ADGRG2: variants seen among roughly 807,000 people sequenced by gnomAD.
The protein encoded by ADGRG2 is adhesion G protein-coupled receptor G2.
In ADGRG2, 26 loss-of-function variants were observed where a neutral mutation model predicts 74.1. That is an observed-to-expected ratio of 0.35 (90% CI 0.26 to 0.49). ADGRG2 has a LOEUF of 0.49. Among genes scored for constraint, ADGRG2 ranks in the 20% least tolerant of loss-of-function variants. The pLI is 0.99. For synonymous variants in ADGRG2, 296 were observed against 295.2 expected (o/e 1.00, Z -0.03); for missense variants, 619 against 763.1 (o/e 0.81, Z 2.22).
At chrX:19,047,698 A>C (rs1265449982) in intron 3 of ADGRG2, among the ~76,000 whole-genome samples, 2 of 111,349 alleles carry the variant, frequency 1.8e-5, no homozygotes, top group African/African-American at 6.5e-5. Flanking sequence ...AATTAAAAAC[A>C]AGCCACCACG....
At chrX:19,024,820 ACTC>A (rs2060665490) in intron 11 of ADGRG2, among the ~76,000 whole-genome samples, 1 of 112,072 alleles carries the variant, frequency 8.9e-6, no homozygotes, top group Non-Finnish European at 1.9e-5. Context: ...ATAGCTGCTA[ACTC>A]CTCAAGCTGG....
chrX:19,002,544 G>A (rs2060151878), intron 24 of ADGRG2, among the ~76,000 whole-genome samples: 1 of 111,941 alleles, frequency 8.9e-6, no homozygotes, highest in Non-Finnish European at 1.9e-5. Flanking sequence ...CCAAGCTAAT[G>A]TTTTCAATAT....
intron 13 of ADGRG2, among the ~76,000 whole-genome samples, chrX:19,023,032 C>T (rs1448268392): frequency 1.8e-5 from 2 of 111,691 alleles, no homozygotes; most frequent in Non-Finnish European, 3.8e-5. Context: ...CTTTTCCTTC[C>T]CCCTCTTTCC....
At chrX:19,099,565 A>G (rs1171730486) in intron 1 of ADGRG2, among the ~76,000 whole-genome samples, 1 of 112,194 alleles carries the variant, frequency 8.9e-6, no homozygotes, top group Non-Finnish European at 1.9e-5. Context: ...TGATGTCACA[A>G]AGGTAAGTGG....
chrX:19,120,562 T>C (rs887572748), intron 1 of ADGRG2, among the ~76,000 whole-genome samples: 1 of 111,850 alleles, frequency 8.9e-6, no homozygotes, highest in Non-Finnish European at 1.9e-5. Context: ...ATCTAGCTAG[T>C]CTTCCCTTAA....
intron 2 of ADGRG2, among the ~76,000 whole-genome samples, chrX:19,073,889 C>A (rs1043589483): frequency 2.7e-5 from 3 of 111,522 alleles, no homozygotes; most frequent in Non-Finnish European, 5.6e-5. Flanking sequence ...GACATTTATA[C>A]GGAGTCATAT....
At chrX:19,037,815 T>C (rs1488703876) in intron 4 of ADGRG2, among the ~76,000 whole-genome samples, 179 bp from the exon 5 acceptor site, 1 of 111,585 alleles carries the variant, frequency 9.0e-6, no homozygotes, top group African/African-American at 3.3e-5. Flanking sequence ...AATCAGAGAA[T>C]TGTAGGAAAA....
intron 1 of ADGRG2, among the ~76,000 whole-genome samples, chrX:19,112,164 T>C (rs1055784857): frequency 9.1e-6 from 1 of 110,386 alleles, no homozygotes; most frequent in African/African-American, 3.3e-5. Context: ...CTCGATCTCC[T>C]GGGTTCAAGT....
chrX:19,055,566 C>T (rs1056443061), intron 3 of ADGRG2, among the ~76,000 whole-genome samples: 3 of 110,947 alleles, frequency 2.7e-5, no homozygotes, highest in African/African-American at 3.3e-5. Flanking sequence ...AGAGCACTTC[C>T]GTTATTGCAA....
chrX:19,007,193 G>A lies in ADGRG2; in HGVS notation c.1689+42C>T, dbSNP rs1203680424. The stretch of plus-strand genomic sequence containing the variant: ...GCCTTACAAGCATAGTTTGTACAAG[G>A]TGTTCCTGGTCAATGAACAGACGGC... On this transcript the variant is annotated intron_variant, in intron 20 of 28. Coordinates refer to ENST00000379869, the MANE Select transcript of ADGRG2 (RefSeq NM_001079858.3). 3.4e-6 allele frequency: 4 copies of A among 1,192,109 alleles called. No individual in the cohort carries two copies. In the African/African-American group the frequency reaches 7.0e-5, roughly 21 times the overall value.
At chrX:19,029,034 C>T (rs2060768717) in intron 9 of ADGRG2, among the ~76,000 whole-genome samples, 1 of 111,735 alleles carries the variant, frequency 8.9e-6, no homozygotes, top group Non-Finnish European at 1.9e-5. Context: ...TGGACTATGG[C>T]TGGTAGTTTG....
intron 4 of ADGRG2, among the ~76,000 whole-genome samples, chrX:19,038,879 T>C (rs1159008638): frequency 1.8e-5 from 2 of 111,913 alleles, no homozygotes; most frequent in Admixed American, 9.5e-5. Flanking sequence ...AAGAAAAATA[T>C]AGTGGTTCAT....
At chrX:19,120,623 G>T (rs1437946588) in intron 1 of ADGRG2, among the ~76,000 whole-genome samples, 2 of 111,199 alleles carry the variant, frequency 1.8e-5, no homozygotes, top group African/African-American at 6.5e-5. Flanking sequence ...TCAAAAAATG[G>T]GTTCTCTTTC....
chrX:19,055,485 A>T (rs1472835603), intron 3 of ADGRG2, among the ~76,000 whole-genome samples: 8 of 111,969 alleles, frequency 7.1e-5, no homozygotes, highest in Non-Finnish European at 1.5e-4. Flanking sequence ...TTAGTACCCC[A>T]GTCAAGTTTC....
chrX:19,045,294 G>GTTATTATTATTATTATTATTATTA lies in ADGRG2; in HGVS notation c.119-5094_119-5071dup, dbSNP rs3056193. Among the ~76,000 whole-genome samples, 160 of 95,377 alleles carry GTTATTATTATTATTATTATTATTA rather than the reference G, an allele frequency of 1.7e-3. 1 individual carries two copies. The highest frequency in any genetic ancestry group is 5.3e-3 in the African/African-American group (138 of 25,866). The allele number at this position is 95,377 out of a possible 115,157, so 82.8% of individuals were successfully genotyped here. A position where few individuals can be genotyped will look rare whatever the true frequency, so the allele number is the denominator to read the frequency against. ...ATCGAATACAGAAATGGGGGGTGTT[G>GTTATTATTATTATTATTATTATTA]TTATTATTATTATTATTATTATTAT... On this transcript the variant is annotated intron_variant, in intron 3 of 28. Transcript: ENST00000379869.
intron 7 of ADGRG2, 81 bp from the exon 8 acceptor site, chrX:19,033,735 G>A: frequency 2.1e-6 from 1 of 473,889 alleles, no homozygotes; most frequent in Middle Eastern, 3.7e-4. Context: ...TCATTTTAGT[G>A]AAGTGCTAAA....
intron 2 of ADGRG2, among the ~76,000 whole-genome samples, chrX:19,080,458 C>T (rs1343283852): frequency 9.0e-6 from 1 of 111,065 alleles, no homozygotes; most frequent in African/African-American, 3.3e-5. Context: ...TCTGCCTTCA[C>T]ATCTAAGCTC....
At chrX:19,092,963 G>A (rs1359625958) in intron 1 of ADGRG2, among the ~76,000 whole-genome samples, 1 of 112,202 alleles carries the variant, frequency 8.9e-6, no homozygotes, top group Non-Finnish European at 1.9e-5. Context: ...GGGAAACTGG[G>A]AAGTTAGGAA....
intron 18 of ADGRG2, among the ~76,000 whole-genome samples, chrX:19,008,873 A>G (rs997890548): frequency 2.7e-5 from 3 of 111,553 alleles, no homozygotes; most frequent in African/African-American, 9.8e-5. Flanking sequence ...AGGGAAGACT[A>G]TGAAAATTAA....
Sources: allele counts gnomAD v4.1 joint callset (sites outside exome capture counted in the v4.1 genomes callset), GRCh38; gene constraint gnomAD v4.1.1; transcripts MANE v1.5; gene names NCBI Gene and HGNC (gene_info 2026-07-23, HGNC 2026-07-21).